BBS12: variants seen among roughly 807,000 people sequenced by gnomAD.
The protein encoded by BBS12 is Bardet-Biedl syndrome 12, also known as chaperonin-containing T-complex member BBS12.
In BBS12, 5 loss-of-function variants were observed where a neutral mutation model predicts 5.6. That is an observed-to-expected ratio of 0.89 (90% CI 0.46 to 1.86). The LOEUF is 1.86. Ranked by LOEUF, BBS12 falls within the 40% of genes most tolerant of loss-of-function variation. BBS12 has a pLI of 0.01. For missense variants in BBS12, 748 were observed against 830.4 expected, an observed-to-expected ratio of 0.90 and a Z score of 1.22; for synonymous variants, 308 against 306.8, an observed-to-expected ratio of 1.00 and a Z score of -0.04.
intron 1 of BBS12, among the ~76,000 whole-genome samples, chr4:122,739,261 A>G (rs1800829708): frequency 6.6e-6 from 1 of 152,250 alleles, no homozygotes; most frequent in African/African-American, 2.4e-5. Flanking sequence ...TTGGTATGGC[A>G]GCCCTAGGAA....
chr4:122,708,988 G>T, the BBS12 span, among the ~76,000 whole-genome samples: 2 of 151,986 alleles, frequency 1.3e-5, no homozygotes, highest in Non-Finnish European at 2.9e-5. Context: ...GATGAAAAAA[G>T]CATGTGCCTA....
the BBS12 span, among the ~76,000 whole-genome samples, chr4:122,707,734 G>A: frequency 6.6e-6 from 1 of 152,138 alleles, no homozygotes. Context: ...GGAGGCTCTG[G>A]TGCAGTAGAA....
At chr4:122,700,713 T>A in the BBS12 span, among the ~76,000 whole-genome samples, 14 of 152,176 alleles carry the variant, frequency 9.2e-5, 1 homozygote, top group African/African-American at 3.4e-4. Context: ...GGAGCCCATG[T>A]TAGGTAATGA....
the BBS12 span, among the ~76,000 whole-genome samples, chr4:122,711,627 A>T: frequency 2.6e-5 from 4 of 152,364 alleles, 1 homozygote; most frequent in South Asian, 4.1e-4. Context: ...ACTACAAAAG[A>T]TTAAAATCCT....
the BBS12 span, among the ~76,000 whole-genome samples, chr4:122,711,583 T>C: frequency 6.6e-6 from 1 of 152,140 alleles, no homozygotes; most frequent in East Asian, 1.9e-4. Flanking sequence ...ATTATAATCT[T>C]GAAAGATGCA....
the BBS12 span, among the ~76,000 whole-genome samples, chr4:122,700,581 C>T: frequency 1.4e-4 from 22 of 152,242 alleles, no homozygotes; most frequent in African/African-American, 5.3e-4. Flanking sequence ...GTAATAAACC[C>T]TCTTCACATA....
intron 1 of BBS12, 89 bp from the exon 2 acceptor site, chr4:122,741,794 C>T: frequency 9.3e-7 from 1 of 1,080,180 alleles, no homozygotes. Context: ...ACCTCAAAAG[C>T]AGGGAGCATA....
the BBS12 span, among the ~76,000 whole-genome samples, chr4:122,709,168 G>A: frequency 3.9e-4 from 59 of 152,198 alleles, no homozygotes; most frequent in African/African-American, 1.2e-3. Flanking sequence ...GTGTCTGAGC[G>A]CTAAAGAAAG....
chr4:122,742,077 T>C lies in BBS12; in HGVS notation c.185T>C (p.Leu62Ser). 2 of 1,614,198 alleles carry C rather than the reference T, an allele frequency of 1.2e-6. No individual in the cohort carries two copies. The highest frequency in any genetic ancestry group is 2.2e-5 in the South Asian group (2 of 91,090). ...STVRLLESLDLTSAVGQLLNE... is the reference protein window; with the variant it reads ...STVRLLESLDSTSAVGQLLNE... ...GTAAGGCTTCTTGAAAGTTTGGATT[T>C]AACCAGTGCAGTGGGACAACTTCTC... is the stretch of plus-strand genomic sequence containing the variant. The change falls in exon 2 of 2, where the codon TTA becomes TCA. Residue 62 changes from leucine to serine, a missense_variant. By Grantham distance (145) the Leu-to-Ser change is moderately radical. Transcript: ENST00000314218.
At chr4:122,726,198 A>T in the BBS12 span, among the ~76,000 whole-genome samples, 5 of 152,196 alleles carry the variant, frequency 3.3e-5, no homozygotes, top group African/African-American at 1.2e-4. Context: ...CAATATCCAG[A>T]ACCTACAAGG....
At chr4:122,720,599 C>T in the BBS12 span, among the ~76,000 whole-genome samples, 3 of 151,876 alleles carry the variant, frequency 2.0e-5, no homozygotes, top group Admixed American at 2.0e-4. Flanking sequence ...CACAGAAAGG[C>T]AAAACGATGG....
chr4:122,702,654 A>G, the BBS12 span, among the ~76,000 whole-genome samples: 1 of 152,202 alleles, frequency 6.6e-6, no homozygotes, highest in Non-Finnish European at 1.5e-5. Context: ...GCCAGTGCCT[A>G]AGGAATCTTC....
upstream of BBS12, chr4:122,731,706 T>C (rs1800698746): frequency 6.6e-6 from 1 of 152,214 alleles, no homozygotes; most frequent in African/African-American, 2.4e-5. Context: ...GAAAAGGAAT[T>C]ATAATATGCC....
At chr4:122,741,298 T>G (rs1800867516) in intron 1 of BBS12, among the ~76,000 whole-genome samples, 1 of 152,184 alleles carries the variant, frequency 6.6e-6, no homozygotes, top group African/African-American at 2.4e-5. Context: ...GCGATTCTTC[T>G]GCCTCAGCCC....
chr4:122,718,712 G>GTGAAATGAAATAATGAAATGAAATGAAA, the BBS12 span, among the ~76,000 whole-genome samples: 7 of 146,200 alleles, frequency 4.8e-5, no homozygotes, highest in African/African-American at 1.5e-4. Context: ...GGGATTCGAT[G>GTGAAATGAAATAATGAAATGAAATGAAA]TGAAATGAAA....
upstream of BBS12, chr4:122,730,058 G>A (rs549097520): frequency 1.6e-3 from 247 of 152,294 alleles, no homozygotes; most frequent in African/African-American, 5.7e-3. Context: ...TATGGGTGAT[G>A]TAAGTGCTAT....
At chr4:122,702,000 C>T in the BBS12 span, among the ~76,000 whole-genome samples, 2 of 152,182 alleles carry the variant, frequency 1.3e-5, no homozygotes, top group African/African-American at 4.8e-5. Flanking sequence ...TAGCTTTCCT[C>T]TCCCCAAAGC....
the BBS12 span, among the ~76,000 whole-genome samples, chr4:122,722,683 G>T: frequency 6.6e-6 from 1 of 152,092 alleles, no homozygotes; most frequent in East Asian, 1.9e-4. Context: ...ATTTGTACCT[G>T]ATACCTAAAA....
the BBS12 span, among the ~76,000 whole-genome samples, chr4:122,703,505 G>A: frequency 6.6e-6 from 1 of 152,174 alleles, no homozygotes; most frequent in Non-Finnish European, 1.5e-5. Context: ...TGGTGCCACT[G>A]CACTCCAGCC....
Sources: gnomAD v4.1 joint callset for allele counts (sites outside exome capture counted in the v4.1 genomes callset) on GRCh38, gnomAD v4.1.1 for gene constraint, MANE v1.5 for transcripts, NCBI Gene and HGNC (gene_info 2026-07-23, HGNC 2026-07-21) for gene names.